FAM186A: variants seen among roughly 807,000 people sequenced by gnomAD.
FAM186A encodes family with sequence similarity 186 member A.
FAM186A carries 163 observed loss-of-function variants against 216.8 expected under a neutral mutation model. The observed-to-expected ratio is 0.75, with a 90% CI of 0.66 to 0.86. The LOEUF is 0.86. Ranked by LOEUF, FAM186A falls within the 40% of genes least tolerant of loss-of-function variation. FAM186A has a pLI of 0.00. For synonymous variants in FAM186A, 805 were observed against 1,025.3 expected, an observed-to-expected ratio of 0.79 and a Z score of 4.10; for missense variants, 2,184 against 2,746.2, an observed-to-expected ratio of 0.80 and a Z score of 4.58.
rs1942893166 is a variant in FAM186A, at chr12:50,352,052, G to T, written c.4780C>A (p.Gln1594Lys). 1 of 1,524,112 alleles carries T rather than the reference G, an allele frequency of 6.6e-7. No homozygotes were observed. Among genetic ancestry groups the T allele is most frequent in the Admixed American group, 2.0e-5 (1 of 49,206 alleles). 94.4% of individuals were successfully genotyped at this position (1,524,112 alleles called of 1,614,324 possible). A position where few individuals can be genotyped will look rare whatever the true frequency, so the allele number is the denominator to read the frequency against. The change falls in exon 4 of 8, where the codon CAG becomes AAG. Residue 1594 changes from glutamine to lysine, a missense_variant. Coordinates refer to ENST00000327337, the MANE Select transcript of FAM186A (RefSeq NM_001145475.3). ...AQELGIPLTP[Q>K]QAQELGIPLT... The stretch of plus-strand genomic sequence containing the variant: ...GGGATCCCCAGTTCCTGCGCCTGCT[G>T]AGGGGTGAGAGGGATCCCCAGTTCC...
chr12:50,333,816 T>C, intron 5 of FAM186A, 95 bp downstream of exon 5: 10 of 1,180,192 alleles, frequency 8.5e-6, no homozygotes, highest in Non-Finnish European at 1.2e-5. Flanking sequence ...AGGAAAGTAA[T>C]ATGACATGGT....
At chr12:50,369,813 AC>A (rs1209010673) in intron 1 of FAM186A, among the ~76,000 whole-genome samples, 1 of 151,776 alleles carries the variant, frequency 6.6e-6, no homozygotes, top group Non-Finnish European at 1.5e-5. Flanking sequence ...ACACTGTGAA[AC>A]CCCATCCCTA....
Position 50,351,262 on chromosome 12 carries a change from G to T in FAM186A, c.5570C>A (p.Ser1857Tyr), listed in dbSNP as rs1280061734. ...GQIPSLWAPL[S>Y]PGQPLVPEAS... ...TTCAGGAACTAAGGGCTGCCCAGGA[G>T]AAAGAGGAGCCCAGAGACTTGGAAT... The change falls in exon 4 of 8, where the codon TCT becomes TAT. Residue 1857 changes from serine to tyrosine, a missense_variant. Around this residue, in one of 7 missense-constraint regions of FAM186A, gnomAD observed 721 missense variants for 816.4 expected, o/e 0.88. Transcript: ENST00000327337. The T allele has an allele frequency of 6.4e-7, 1 of 1,550,694 alleles. No individual in the cohort carries two copies. Among genetic ancestry groups the T allele is most frequent in the South Asian group, 1.2e-5 (1 of 83,990 alleles).
chr12:50,376,679 T>C (rs539550267), intron 1 of FAM186A, among the ~76,000 whole-genome samples: 1 of 152,002 alleles, frequency 6.6e-6, no homozygotes, highest in African/African-American at 2.4e-5. Context: ...GTTCTCACTC[T>C]GGTCCTGGAC....
At position 50,356,103 on chromosome 12, in the gene FAM186A, T is replaced by C. The variant is rs1942974205; in HGVS notation, c.729A>G (p.Glu243=). Residue 243 remains glutamate (E), a synonymous_variant, in exon 4 of 8, where the codon GAA becomes GAG. Coordinates refer to ENST00000327337, the MANE Select transcript of FAM186A (RefSeq NM_001145475.3). ...TACTGAACATTGTGGTGCCTATGAG[T>C]TCCTGTAGCATACCTTGGATTTCTG... ...KVSEIQGMLQ[E]LIGTTMFSTL... 3 of 1,551,556 alleles carry C rather than the reference T, an allele frequency of 1.9e-6. No individual in the cohort carries two copies. The highest frequency in any genetic ancestry group is 2.6e-6 in the Non-Finnish European group (3 of 1,146,984).
chr12:50,337,798 A>T (rs1025196454), intron 4 of FAM186A, among the ~76,000 whole-genome samples: 2 of 152,094 alleles, frequency 1.3e-5, no homozygotes, highest in African/African-American at 4.8e-5. Flanking sequence ...CGGGAGGCTG[A>T]GGCAGGAGAA....
intron 1 of FAM186A, among the ~76,000 whole-genome samples, chr12:50,375,363 C>A (rs1327070708): frequency 6.6e-6 from 1 of 152,030 alleles, no homozygotes; most frequent in Non-Finnish European, 1.5e-5. Flanking sequence ...GCCTGGCCAA[C>A]ATGGTGAAAC....
Position 50,351,990 on chromosome 12 carries a change from A to T in FAM186A, c.4842T>A (p.Pro1614=), listed in dbSNP as rs1322777304. The T allele has an allele frequency of 6.5e-7, 1 of 1,527,468 alleles. No homozygotes were observed. The highest frequency in any genetic ancestry group is 8.8e-7 in the Non-Finnish European group (1 of 1,133,078). The allele number at this position is 1,527,468 out of a possible 1,614,324, so 94.6% of individuals were successfully genotyped here. A position where few individuals can be genotyped will look rare whatever the true frequency, so the allele number is the denominator to read the frequency against. Residue 1614 remains proline, a synonymous_variant, in exon 4 of 8, where the codon CCT becomes CCA. Coordinates refer to ENST00000327337, the MANE Select transcript of FAM186A (RefSeq NM_001145475.3). ...TPQQAQAQGI[P]LTPQQAQALG... ...GAGCCTGGGCCTGCTGAGGGGTGAGAGGGATCCCCTGAGCCTGCGCCTGCT... is the reference window on the plus strand; with the variant it reads ...GAGCCTGGGCCTGCTGAGGGGTGAGTGGGATCCCCTGAGCCTGCGCCTGCT...
At chr12:50,356,304 C>A in intron 3 of FAM186A, 56 bp from the exon 4 acceptor site, 1 of 1,375,734 alleles carries the variant, frequency 7.3e-7, no homozygotes, top group Non-Finnish European at 9.6e-7. Context: ...GCATTGTGTT[C>A]TATCTATGTT....
Position 50,355,468 on chromosome 12 carries a change from T to C in FAM186A, c.1364A>G (p.Tyr455Cys), listed in dbSNP as rs1942965022. 1 of 1,551,234 alleles carries C rather than the reference T, an allele frequency of 6.4e-7. No homozygotes were observed. The highest frequency in any genetic ancestry group is 1.4e-5 in the African/African-American group (1 of 73,040). The change falls in exon 4 of 8, where the codon TAT (tyrosine) becomes TGT (cysteine). Residue 455 changes from tyrosine to cysteine, a missense_variant. Tyr to Cys is a radical substitution (Grantham distance 194). This residue lies in a region of FAM186A where 1,132 missense variants were observed against 1,263.4 expected (regional missense o/e 0.90). Coordinates refer to ENST00000327337, the MANE Select transcript of FAM186A (RefSeq NM_001145475.3). ...DFYQEDETDE[Y>C]QSWKRSHKKA... ...TTTGTGGCTTCTTTTCCATGATTGA[T>C]ACTCATCAGTCTCATCTTCCTGATA...
chr12:50,359,995 A>G (rs952240932), intron 3 of FAM186A, among the ~76,000 whole-genome samples: 3 of 152,172 alleles, frequency 2.0e-5, no homozygotes, highest in Non-Finnish European at 4.4e-5. Context: ...TAATCCCAGC[A>G]CTTTGGGAGG....
intron 1 of FAM186A, among the ~76,000 whole-genome samples, chr12:50,382,471 G>C (rs1943262458): frequency 6.6e-6 from 1 of 152,044 alleles, no homozygotes; most frequent in African/African-American, 2.4e-5. Context: ...AGGCTGAAGT[G>C]AGCAGATCAC....
chr12:50,344,632 A>G (rs755578150), intron 4 of FAM186A, among the ~76,000 whole-genome samples: 9 of 152,132 alleles, frequency 5.9e-5, no homozygotes, highest in Non-Finnish European at 1.2e-4. Context: ...ATACCCAGTA[A>G]TGGGATTGCT....
intron 1 of FAM186A, among the ~76,000 whole-genome samples, chr12:50,369,035 GATCCTT>G (rs1401331828): frequency 6.7e-6 from 1 of 149,876 alleles, no homozygotes; most frequent in Non-Finnish European, 1.5e-5. Flanking sequence ...AATGAAGTTG[GATCCTT>G]ATCTTATATC....
In FAM186A at chr12:50,372,990, GGAAGGAATGAAAGAAAGAAA is replaced by G. The variant is rs1565892886; in HGVS notation, c.193-9646_193-9627del. Among the ~76,000 whole-genome samples the G allele has an allele frequency of 4.8e-4, 11 of 22,880 alleles. 1 individual carries two copies. The highest frequency in any genetic ancestry group is 9.4e-4 in the Non-Finnish European group (7 of 7,446). The allele number at this position is 22,880 out of a possible 152,430, so 15.0% of individuals were successfully genotyped here. The stretch of plus-strand genomic sequence containing the variant: ...AGGGAGGGACGGAGGGAGGAAGGAA[GGAAGGAATGAAAGAAAGAAA>G]GAAAGAAAGAAAGAAAGAAAGAAAG... On this transcript the variant is annotated intron_variant, in intron 1 of 7. Coordinates refer to ENST00000327337, the MANE Select transcript of FAM186A (RefSeq NM_001145475.3).
Position 50,353,767 on chromosome 12 carries a change from C to T in FAM186A, c.3065G>A (p.Arg1022Gln), listed in dbSNP as rs1471779956. Reference protein sequence around the residue: ...RWKSVLKDVQRSYEGKEFQRN... With the variant: ...RWKSVLKDVQQSYEGKEFQRN... Reference sequence around the variant, plus strand: ...CTGAAACTCTTTTCCTTCATATGACCGCTGTACATCTTTCAATACACTCTT... The same window carrying T: ...CTGAAACTCTTTTCCTTCATATGACTGCTGTACATCTTTCAATACACTCTT... The change falls in exon 4 of 8, where the codon CGG becomes CAG. Residue 1022 changes from arginine to glutamine, a missense_variant. By Grantham distance (43) the Arg-to-Gln change is conservative. Around this residue, in one of 7 missense-constraint regions of FAM186A, gnomAD observed 1,132 missense variants for 1,263.4 expected, o/e 0.90. Transcript: ENST00000327337. 38 of 1,551,292 alleles carry T rather than the reference C, an allele frequency of 2.4e-5. No individual in the cohort carries two copies. The highest frequency in any genetic ancestry group is 4.4e-6 in the Non-Finnish European group (5 of 1,146,892).
chr12:50,388,560 G>A (rs1489519628), intron 1 of FAM186A, among the ~76,000 whole-genome samples: 8 of 151,232 alleles, frequency 5.3e-5, no homozygotes, highest in Non-Finnish European at 1.2e-4. Flanking sequence ...CGGAGGTTGC[G>A]GTGAGCTGAG....
intron 1 of FAM186A, among the ~76,000 whole-genome samples, chr12:50,381,786 C>T (rs1338642040): frequency 6.6e-6 from 1 of 151,942 alleles, no homozygotes; most frequent in Non-Finnish European, 1.5e-5. Context: ...ATTGCAAGAC[C>T]CTGTCTCTAT....
intron 3 of FAM186A, among the ~76,000 whole-genome samples, chr12:50,357,598 A>G (rs759411440): frequency 6.6e-6 from 1 of 152,230 alleles, no homozygotes; most frequent in Non-Finnish European, 1.5e-5. Context: ...CAAAGATAAA[A>G]CAGGGCAAAA....
Sources: allele counts gnomAD v4.1 joint callset (sites outside exome capture counted in the v4.1 genomes callset), GRCh38; gene constraint gnomAD v4.1.1; regional missense constraint gnomAD v4.1.1; transcripts MANE v1.5; gene names NCBI Gene and HGNC (gene_info 2026-07-23, HGNC 2026-07-21).